OOEP: variants seen among roughly 807,000 people sequenced by gnomAD.
OOEP encodes oocyte expressed protein.
Under a neutral mutation model 13.7 loss-of-function variants are expected in OOEP, and 16 were observed. The ratio of observed to expected loss-of-function variants is 1.16; its 90% CI spans 0.79 to 1.77. The LOEUF is 1.77. OOEP is among the 40% of genes most tolerant of loss of function. OOEP has a pLI of 0.00. For synonymous variants in OOEP, 89 were observed against 77.1 expected (o/e 1.15, Z -0.81); for missense variants, 195 against 193.1 (o/e 1.01, Z -0.06).
rs70994196 is a variant in OOEP, at chr6:73,382,214, A to ATTTTT, written c.25+12127_25+12131dup. 9.2e-5 allele frequency among the ~76,000 whole-genome samples: 9 copies of ATTTTT among 98,102 alleles called. 1 individual carries two copies. Among genetic ancestry groups the ATTTTT allele is most frequent in the East Asian group, 3.2e-4 (1 of 3,116 alleles). The allele number at this position is 98,102 out of a possible 152,430, so 64.4% of individuals were successfully genotyped here. ...AGGCATGCACTACCACACCTGGCTA[A>ATTTTT]TTTTTTTTTTTTTTTTTTTTTGAGA... On this transcript the variant is annotated intron_variant, in intron 2 of 3. Transcript: ENST00000370363.
At chr6:73,382,993 T>C (rs1388874082) in intron 2 of OOEP, among the ~76,000 whole-genome samples, 3 of 150,938 alleles carry the variant, frequency 2.0e-5, no homozygotes, top group Non-Finnish European at 2.9e-5. Context: ...TGCGCCACCA[T>C]GCACGTCTAA....
At position 73,369,400 on chromosome 6, in the gene OOEP, A is replaced by T; in HGVS notation, c.191-15T>A. 6.2e-7 allele frequency: 1 copy of T among 1,605,676 alleles called. No individual in the cohort carries two copies. Among genetic ancestry groups the T allele is most frequent in the Non-Finnish European group, 8.5e-7 (1 of 1,176,066 alleles). On this transcript the variant is annotated splice_polypyrimidine_tract_variant and intron_variant, in intron 1 of 2. Transcript: ENST00000370359. ...TCGGTCTGGGCCTAAACAAGTAAGG[A>T]AAAACTCTGAGGGGCTGCACGGTGG... is the stretch of plus-strand genomic sequence containing the variant.
chr6:73,384,722 C>T (rs951425611), intron 2 of OOEP, among the ~76,000 whole-genome samples: 1 of 151,146 alleles, frequency 6.6e-6, no homozygotes, highest in Non-Finnish European at 1.5e-5. Flanking sequence ...CCAGCATAGG[C>T]AACAAGACAA....
chr6:73,369,223 C>T lies in OOEP; in HGVS notation c.353G>A (p.Arg118Gln), dbSNP rs753170840. The T allele has an allele frequency of 3.1e-6, 5 of 1,612,090 alleles. No individual in the cohort carries two copies. In the East Asian group the frequency reaches 8.9e-5, roughly 29 times the overall value. Residue 118 changes from arginine (R) to glutamine (Q), a missense_variant, in exon 2 of 3, where the codon CGA (arginine) becomes CAA (glutamine). By Grantham distance (43) the Arg-to-Gln change is conservative. Transcript: ENST00000370359. The part of the protein sequence containing the change: ...SMLLCLAWFH[R>Q]EHRARAEKMK... ...ACCCTCACCTCGGGCACGATGTTCT[C>T]GGTGAAACCATGCCAGGCACAGGAG...
rs201846082 is a variant in OOEP at position 73,368,849 on chromosome 6, G to A, written c.385C>T (p.His129Tyr). 8.3e-5 allele frequency: 134 copies of A among 1,613,186 alleles called. No individual in the cohort carries two copies. Among genetic ancestry groups the A allele is most frequent in the Middle Eastern group, 1.6e-4 (1 of 6,078 alleles). Residue 129 changes from histidine (H) to tyrosine (Y), a missense_variant, in exon 3 of 3, where the codon CAC (histidine) becomes TAC (tyrosine). Coordinates refer to ENST00000370359, the MANE Select transcript of OOEP (RefSeq NM_001080507.3). The part of the protein sequence containing the change: ...EHRARAEKMK[H>Y]LEKNLKAHAS... Reference sequence around the variant, plus strand: ...TGGGCCTTCAAGTTCTTCTCAAGGTGTTTCATCTTCTCAGCTGGAAGAGAA... The same window carrying A: ...TGGGCCTTCAAGTTCTTCTCAAGGTATTTCATCTTCTCAGCTGGAAGAGAA...
rs200095208 is a variant in OOEP at position 73,369,349 on chromosome 6, G to A, written c.227C>T (p.Thr76Met). Residue 76 changes from threonine (T) to methionine (M), a missense_variant, in exon 2 of 3, where the codon ACG becomes ATG. By Grantham distance (81) the Thr-to-Met change is moderately conservative. Transcript: ENST00000370359. ...DRAIIPEMEW[T>M]SQALLTVDIV... ...GTCCACTGTCAGCAGGGCCTGGCTCGTCCACTCCATTTCTGGAATTATGGC... is the reference window on the plus strand; with the variant it reads ...GTCCACTGTCAGCAGGGCCTGGCTCATCCACTCCATTTCTGGAATTATGGC... 3,164 of 1,613,362 alleles carry A rather than the reference G, an allele frequency of 2.0e-3. 9 individuals carry two copies. The highest frequency in any genetic ancestry group is 2.2e-3 in the Non-Finnish European group (2,646 of 1,179,678).
chr6:73,370,302 G>T (rs988638487), upstream of OOEP, among the ~76,000 whole-genome samples: 1 of 152,112 alleles, frequency 6.6e-6, no homozygotes, highest in African/African-American at 2.4e-5. Flanking sequence ...TGACTCTCCG[G>T]ATGGTTACCA....
intron 2 of OOEP, among the ~76,000 whole-genome samples, chr6:73,375,616 A>G (rs1256084806): frequency 6.7e-6 from 1 of 148,202 alleles, no homozygotes; most frequent in Non-Finnish European, 1.5e-5. Flanking sequence ...TATAGCTTAT[A>G]TATTATATAC....
chr6:73,394,385 C>T lies in OOEP; in HGVS notation c.-15G>A, dbSNP rs1195020364. 5 of 714,692 alleles carry T rather than the reference C, an allele frequency of 7.0e-6. No homozygotes were observed. In the Admixed American group the frequency reaches 8.0e-5, roughly 11 times the overall value. The allele number at this position is 714,692 out of a possible 1,614,324, so 44.3% of individuals were successfully genotyped here. The stretch of plus-strand genomic sequence containing the variant: ...GTTGAAAACATTTCCGGTGCAGTGG[C>T]TGACTGTAATCCCAGCACTTTGGGA... On this transcript the variant is annotated 5_prime_UTR_variant, in exon 2 of 4. Transcript: ENST00000370363.
At chr6:73,374,467 A>C (rs1428020173), upstream of OOEP, among the ~76,000 whole-genome samples, 3 of 152,206 alleles carry the variant, frequency 2.0e-5, no homozygotes, top group Non-Finnish European at 4.4e-5. Flanking sequence ...ATGGTTGCAG[A>C]GATGGTAAAG....
chr6:73,374,398 A>G (rs1180098586), upstream of OOEP, among the ~76,000 whole-genome samples: 1 of 152,034 alleles, frequency 6.6e-6, no homozygotes, highest in Non-Finnish European at 1.5e-5. Flanking sequence ...TACAGAGCCA[A>G]TCAGATCTAC....
intron 1 of OOEP, 58 bp from the exon 2 acceptor site, chr6:73,369,443 T>A (rs1769009466): frequency 6.4e-7 from 1 of 1,558,340 alleles, no homozygotes; most frequent in African/African-American, 1.4e-5. Context: ...GAAGCTGGAT[T>A]TGAAGGGAAT....
upstream of OOEP, among the ~76,000 whole-genome samples, chr6:73,370,441 A>AT (rs34253887): frequency 0.053 from 8,043 of 152,172 alleles, 565 homozygotes; most frequent in East Asian, 0.19. Flanking sequence ...ATCGATGGAC[A>AT]TTTTTTCCCA....
chr6:73,373,590 T>C (rs1034916044), upstream of OOEP, among the ~76,000 whole-genome samples: 1 of 152,090 alleles, frequency 6.6e-6, no homozygotes, highest in African/African-American at 2.4e-5. Context: ...CAATTATTTT[T>C]TATTTATTTA....
chr6:73,379,749 A>G (rs1038342522), intron 2 of OOEP, among the ~76,000 whole-genome samples: 1 of 150,186 alleles, frequency 6.7e-6, no homozygotes, highest in Non-Finnish European at 1.5e-5. Context: ...TTGTTTTTTA[A>G]TGGTTTTTAA....
chr6:73,368,761 T>A lies in OOEP; in HGVS notation c.*23A>T. 6.5e-7 allele frequency: 1 copy of A among 1,527,710 alleles called. No homozygotes were observed. Among genetic ancestry groups the A allele is most frequent in the Non-Finnish European group, 9.1e-7 (1 of 1,101,388 alleles). The allele number at this position is 1,527,710 out of a possible 1,614,324, so 94.6% of individuals were successfully genotyped here. ...CAGCAAAAGTTAGAAAGTTAAGATG[T>A]TCCCAACAGTAACTATGTTGTCTTA... is the stretch of plus-strand genomic sequence containing the variant. On this transcript the variant is annotated 3_prime_UTR_variant, in exon 3 of 3. Transcript: ENST00000370359.
chr6:73,373,480 A>G (rs1202244023), upstream of OOEP, among the ~76,000 whole-genome samples: 2 of 152,048 alleles, frequency 1.3e-5, no homozygotes, highest in African/African-American at 4.8e-5. Flanking sequence ...CTGGTCTCGA[A>G]CTCCTGGGCT....
rs758732063 is a variant in OOEP at position 73,368,856 on chromosome 6, CT to C, written c.377del (p.Lys126ArgfsTer2). On this transcript the variant is annotated frameshift_variant, in exon 3 of 3. Coordinates refer to ENST00000370359, the MANE Select transcript of OOEP (RefSeq NM_001080507.3). LOFTEE classifies it low-confidence loss of function (END_TRUNC). ...TCAAGTTCTTCTCAAGGTGTTTCATCTTCTCAGCTGGAAGAGAAGCAGTTGA... is the reference window on the plus strand; with the variant it reads ...TCAAGTTCTTCTCAAGGTGTTTCATCTCTCAGCTGGAAGAGAAGCAGTTGA... ...FHREHRARAE[K>X]MKHLEKNLKA... 1.3e-4 allele frequency: 208 copies of C among 1,612,902 alleles called. No individual in the cohort carries two copies. Among genetic ancestry groups the C allele is most frequent in the Admixed American group, 2.2e-4 (13 of 59,992 alleles).
intron 2 of OOEP, among the ~76,000 whole-genome samples, chr6:73,385,602 T>TG (rs1769262400): frequency 6.6e-6 from 1 of 151,954 alleles, no homozygotes; most frequent in African/African-American, 2.4e-5. Flanking sequence ...TCTCTTTTTT[T>TG]TTTTTTTCGG....
Sources: allele counts gnomAD v4.1 joint callset (sites outside exome capture counted in the v4.1 genomes callset), GRCh38; gene constraint gnomAD v4.1.1; transcripts MANE v1.5; gene names NCBI Gene and HGNC (gene_info 2026-07-23, HGNC 2026-07-21).